The following TENT2 variants were observed in gnomAD, a reference collection of about 807,000 sequenced individuals.
The protein encoded by TENT2 is terminal nucleotidyltransferase 2.
TENT2 carries 44 observed loss-of-function variants against 72.2 expected under a neutral mutation model. The ratio of observed to expected loss-of-function variants is 0.61; its 90% CI spans 0.48 to 0.78. The LOEUF is 0.78. Among genes scored for constraint, TENT2 ranks in the 30% least tolerant of loss-of-function variants. The pLI is 0.00. For synonymous variants in TENT2, 212 were observed against 192.5 expected, an observed-to-expected ratio of 1.10 and a Z score of -0.84; for missense variants, 541 against 569.6, an observed-to-expected ratio of 0.95 and a Z score of 0.51.
chr5:79,685,220 A>C lies in TENT2; in HGVS notation c.1402A>C (p.Lys468Gln), dbSNP rs138787403. ...FLKSWHRLKN[K>Q]RDLNSILPVR... The stretch of plus-strand genomic sequence containing the variant: ...CCAGTCATGGCACAGATTGAAAAAC[A>C]AGAGAGATTTGAACAGTATACTACC... The change falls in exon 15 of 15, where the codon AAG (lysine) becomes CAG (glutamine). Residue 468 changes from lysine to glutamine, a missense_variant. Transcript: ENST00000453514. 2.1e-3 allele frequency: 3,346 copies of C among 1,607,838 alleles called. 7 individuals are homozygous for C. Among genetic ancestry groups the C allele is most frequent in the Non-Finnish European group, 2.5e-3 (2,889 of 1,178,354 alleles).
chr5:79,684,445 A>G (rs908766423), intron 14 of TENT2, among the ~76,000 whole-genome samples: 3 of 152,080 alleles, frequency 2.0e-5, no homozygotes, highest in Non-Finnish European at 4.4e-5. Context: ...TTGTACAGAC[A>G]GGGTTTCACC....
intron 1 of TENT2, among the ~76,000 whole-genome samples, chr5:79,617,217 C>T (rs1336103395): frequency 6.6e-6 from 1 of 151,212 alleles, no homozygotes; most frequent in Non-Finnish European, 1.5e-5. Context: ...TTTGTACCCT[C>T]TTGTCATCCT....
chr5:79,645,941 A>G (rs1788588615), intron 8 of TENT2, among the ~76,000 whole-genome samples: 1 of 152,144 alleles, frequency 6.6e-6, no homozygotes, highest in South Asian at 2.1e-4. Context: ...TGCCTACATG[A>G]ATATTCATAC....
Position 79,681,150 on chromosome 5 carries a change from A to ATTTTTTTTTTTTTTTTTTTTTT in TENT2, c.1301-825_1301-804dup, listed in dbSNP as rs1158559796. On this transcript the variant is annotated intron_variant, in intron 13 of 14. Coordinates refer to ENST00000453514, the MANE Select transcript of TENT2 (RefSeq NM_001114394.3). The stretch of plus-strand genomic sequence containing the variant: ...AGTTACTTCTTTTTTCTTTTCTTTG[A>ATTTTTTTTTTTTTTTTTTTTTT]TTTTTTTTTTTTTTTTTTTTTTTTT... Among the ~76,000 whole-genome samples, 10 of 44,740 alleles carry ATTTTTTTTTTTTTTTTTTTTTT rather than the reference A, an allele frequency of 2.2e-4. 1 individual carries two copies. The highest frequency in any genetic ancestry group is 3.5e-4 in the African/African-American group (4 of 11,444). 29.4% of individuals were successfully genotyped at this position (44,740 alleles called of 152,430 possible).
intron 3 of TENT2, among the ~76,000 whole-genome samples, chr5:79,622,317 A>G (rs1339247373): frequency 6.6e-6 from 1 of 152,042 alleles, no homozygotes; most frequent in African/African-American, 2.4e-5. Flanking sequence ...AAAACCTTCT[A>G]TGACCCATAG....
At chr5:79,647,047 G>A (rs1050973212) in intron 8 of TENT2, among the ~76,000 whole-genome samples, 1 of 152,102 alleles carries the variant, frequency 6.6e-6, no homozygotes, top group Non-Finnish European at 1.5e-5. Flanking sequence ...GGAATTACAG[G>A]AGTGTGCCGC....
intron 12 of TENT2, among the ~76,000 whole-genome samples, chr5:79,674,074 A>G (rs749150913): frequency 2.0e-5 from 3 of 152,160 alleles, no homozygotes; most frequent in Non-Finnish European, 4.4e-5. Flanking sequence ...TAATCTCCTC[A>G]AAAGTCAGTA....
chr5:79,680,207 T>C (rs988207464), intron 13 of TENT2, among the ~76,000 whole-genome samples: 3 of 152,172 alleles, frequency 2.0e-5, no homozygotes, highest in Non-Finnish European at 4.4e-5. Flanking sequence ...TGAAGGCCTT[T>C]GTAAATCTGG....
chr5:79,622,775 G>T (rs1422347522), intron 3 of TENT2, among the ~76,000 whole-genome samples: 1 of 152,044 alleles, frequency 6.6e-6, no homozygotes, highest in African/African-American at 2.4e-5. Flanking sequence ...TTTCTTCGTT[G>T]TCCAATGTCT....
At chr5:79,644,108 A>G (rs1786728842) in intron 7 of TENT2, among the ~76,000 whole-genome samples, 1 of 151,766 alleles carries the variant, frequency 6.6e-6, no homozygotes, top group Non-Finnish European at 1.5e-5. Context: ...CAGCCTCCTG[A>G]TTAACTGGGA....
At chr5:79,682,666 G>T (rs775592453) in intron 14 of TENT2, among the ~76,000 whole-genome samples, 13 of 152,084 alleles carry the variant, frequency 8.5e-5, no homozygotes, top group Admixed American at 2.0e-4. Context: ...CTTCCTTAGT[G>T]TATTGGGGAA....
chr5:79,622,796 A>G (rs1423230083), intron 3 of TENT2, among the ~76,000 whole-genome samples: 1 of 152,174 alleles, frequency 6.6e-6, no homozygotes, highest in Non-Finnish European at 1.5e-5. Context: ...TTATAGCTTT[A>G]TTGAAAAGTG....
At chr5:79,664,207 A>G (rs79435164) in intron 11 of TENT2, among the ~76,000 whole-genome samples, 2,763 of 152,256 alleles carry the variant, frequency 0.018, 93 homozygotes, top group African/African-American at 0.061. Flanking sequence ...GGACAACTGT[A>G]CACACATATA....
At chr5:79,624,626 C>A (rs983044143) in intron 4 of TENT2, among the ~76,000 whole-genome samples, 7 of 152,178 alleles carry the variant, frequency 4.6e-5, no homozygotes, top group Non-Finnish European at 7.4e-5. Flanking sequence ...TTTATCCCAT[C>A]CTGGACATTT....
At chr5:79,668,849 T>A in intron 11 of TENT2, 43 bp from the exon 12 acceptor site, 1 of 1,583,418 alleles carries the variant, frequency 6.3e-7, no homozygotes, top group Non-Finnish European at 8.6e-7. Flanking sequence ...TTAGTGTGTG[T>A]TTTAAATGGC....
Position 79,625,899 on chromosome 5 carries a change from G to A in TENT2, c.465+2410G>A, listed in dbSNP as rs561176928. Among the ~76,000 whole-genome samples, 8 of 150,740 alleles carry A rather than the reference G, an allele frequency of 5.3e-5. No individual in the cohort carries two copies. The East Asian group carries it at 5.9e-4, about 11-fold the overall frequency. Reference sequence around the variant, plus strand: ...GGCTGGAGTGCAGTGGTGCGATCTCGGCTCACTGAACCTCCACCTCCCGGG... The same window carrying A: ...GGCTGGAGTGCAGTGGTGCGATCTCAGCTCACTGAACCTCCACCTCCCGGG... On this transcript the variant is annotated intron_variant, in intron 4 of 14. Transcript: ENST00000453514.
intron 12 of TENT2, among the ~76,000 whole-genome samples, chr5:79,676,848 T>A (rs141530240): frequency 3.9e-5 from 6 of 152,332 alleles, no homozygotes; most frequent in African/African-American, 1.4e-4. Flanking sequence ...AATTTTTACA[T>A]GCTAAGCAAA....
intron 6 of TENT2, among the ~76,000 whole-genome samples, chr5:79,642,139 T>C (rs1411843251): frequency 6.6e-6 from 1 of 152,088 alleles, no homozygotes; most frequent in Non-Finnish European, 1.5e-5. Context: ...ATGTTTTACA[T>C]CTTTAAAAAT....
At chr5:79,667,604 A>G (rs1031596411) in intron 11 of TENT2, among the ~76,000 whole-genome samples, 1 of 152,200 alleles carries the variant, frequency 6.6e-6, no homozygotes, top group East Asian at 1.9e-4. Context: ...AGGAGTATCA[A>G]CTTTATGAAT....
Sources: allele counts gnomAD v4.1 joint callset (sites outside exome capture counted in the v4.1 genomes callset), GRCh38; gene constraint gnomAD v4.1.1; transcripts MANE v1.5; gene names NCBI Gene and HGNC (gene_info 2026-07-23, HGNC 2026-07-21).